Variants in TAF1B observed in about 807,000 individuals in gnomAD.
TAF1B encodes TATA-box binding protein associated factor, RNA polymerase I subunit B, also known as TATA box-binding protein-associated factor RNA polymerase I subunit B.
Under a neutral mutation model 83.9 loss-of-function variants are expected in TAF1B, and 61 were observed. The ratio of observed to expected loss-of-function variants is 0.73; its 90% CI spans 0.59 to 0.90. The LOEUF (loss-of-function observed/expected upper bound fraction) is 0.90, where lower values mean the gene tolerates loss of function less well. TAF1B is among the 40% of genes least tolerant of loss of function. TAF1B has a pLI of 0.00. For synonymous variants in TAF1B, 221 were observed against 224.6 expected (o/e 0.98, Z 0.14); for missense variants, 625 against 677.0 (o/e 0.92, Z 0.85).
intron 3 of TAF1B, 90 bp from the exon 4 acceptor site, chr2:9,851,451 G>A (rs570869955): frequency 1.1e-5 from 11 of 993,528 alleles, no homozygotes; most frequent in East Asian, 5.2e-5. Context: ...AATTCAAGTC[G>A]CAATGTGTAA....
chr2:9,888,568 A>G (rs372222), intron 8 of TAF1B, among the ~76,000 whole-genome samples: 77,006 of 151,758 alleles, frequency 0.51, 22,877 homozygotes, highest in Non-Finnish European at 0.68. Context: ...ATAGAATTCT[A>G]GTTTCATACC....
At chr2:9,924,660 C>T (rs887444645) in intron 14 of TAF1B, among the ~76,000 whole-genome samples, 1 of 152,234 alleles carries the variant, frequency 6.6e-6, no homozygotes, top group East Asian at 1.9e-4. Flanking sequence ...CTAAAATATG[C>T]CGAATATGCT....
chr2:9,896,411 T>A (rs1212067826), intron 8 of TAF1B, among the ~76,000 whole-genome samples: 1 of 152,130 alleles, frequency 6.6e-6, no homozygotes, highest in African/African-American at 2.4e-5. Flanking sequence ...TCTTCCCCCC[T>A]TCCATGCCTT....
Position 9,914,945 on chromosome 2 carries a change from T to A in TAF1B, c.1271+1696T>A, listed in dbSNP as rs142173462. On this transcript the variant is annotated intron_variant, in intron 12 of 14. Transcript: ENST00000263663. This position sits in a 1 kb window ranked among gnomAD's most constrained non-coding sequence, Gnocchi z 4.3. ...CATACATGTCTAATTTTTCTCTTTGTTTCTCTGAATATTATCATCCATGTT... is the reference window on the plus strand; with the variant it reads ...CATACATGTCTAATTTTTCTCTTTGATTCTCTGAATATTATCATCCATGTT... Among the ~76,000 whole-genome samples, 230 of 152,348 alleles carry A rather than the reference T, an allele frequency of 1.5e-3. No individual in the cohort carries two copies. Among genetic ancestry groups the A allele is most frequent in the African/African-American group, 5.4e-3 (223 of 41,578 alleles).
At chr2:9,892,237 G>A (rs1019388801) in intron 8 of TAF1B, among the ~76,000 whole-genome samples, 2 of 152,202 alleles carry the variant, frequency 1.3e-5, no homozygotes, top group Non-Finnish European at 2.9e-5. Context: ...TAACCTGGGA[G>A]TAGTAGGCTA....
chr2:9,878,410 A>G (rs1206155822), intron 7 of TAF1B, among the ~76,000 whole-genome samples: 1 of 152,084 alleles, frequency 6.6e-6, no homozygotes, highest in Non-Finnish European at 1.5e-5. Flanking sequence ...ATGGATGGCA[A>G]AGTTTGAGAA....
In TAF1B at chr2:9,907,620, C is replaced by T. The variant is rs558769270; in HGVS notation, c.955+2614C>T. ...ATGGCCATGAATGAGCTCAGATGCA[C>T]TCTCCACCCTCTACTATGGTTCCTC... On this transcript the variant is annotated intron_variant, in intron 9 of 14. Coordinates refer to ENST00000263663, the MANE Select transcript of TAF1B (RefSeq NM_005680.3). 2.6e-5 allele frequency among the ~76,000 whole-genome samples: 4 copies of T among 152,250 alleles called. No homozygotes were observed. In the South Asian group the frequency reaches 6.2e-4, roughly 24 times the overall value.
intron 9 of TAF1B, among the ~76,000 whole-genome samples, chr2:9,909,557 C>T (rs1303284232): frequency 6.6e-6 from 1 of 152,098 alleles, no homozygotes; most frequent in Non-Finnish European, 1.5e-5. Flanking sequence ...GAGCTAAAAG[C>T]TTTAGTGAGT....
chr2:9,914,038 TTTC>T lies in TAF1B; in HGVS notation c.1271+793_1271+795del, dbSNP rs1270435595. Reference sequence around the variant, plus strand: ...GAAATGAGAATTTGTTCAGCTCCTATTTCTTCATCAGTAAAATAGACATAATAA... The same window carrying T: ...GAAATGAGAATTTGTTCAGCTCCTATTTCATCAGTAAAATAGACATAATAA... On this transcript the variant is annotated intron_variant, in intron 12 of 14. Coordinates refer to ENST00000263663, the MANE Select transcript of TAF1B (RefSeq NM_005680.3). The surrounding 1 kb of genome is among the most constrained non-coding windows in gnomAD (Gnocchi z 4.3). 6.6e-6 allele frequency among the ~76,000 whole-genome samples: 1 copy of T among 152,258 alleles called. No homozygotes were observed. Among genetic ancestry groups the T allele is most frequent in the Non-Finnish European group, 1.5e-5 (1 of 68,044 alleles).
intron 9 of TAF1B, among the ~76,000 whole-genome samples, chr2:9,909,827 C>T (rs577324513): frequency 6.6e-5 from 10 of 152,280 alleles, no homozygotes; most frequent in African/African-American, 2.4e-4. Flanking sequence ...TATAACATGT[C>T]CACGGTCACA....
chr2:9,934,254 C>T lies in TAF1B; in HGVS notation c.*270C>T, dbSNP rs569642243. ...ATTGTATCCAGAAATGTATACTCAT[C>T]GTATTTTAAAGCTAAATTTATTTTT... On this transcript the variant is annotated 3_prime_UTR_variant, in exon 15 of 15. Transcript: ENST00000263663. The T allele has an allele frequency of 1.1e-5, 3 of 271,222 alleles. No homozygotes were observed. Among genetic ancestry groups the T allele is most frequent in the African/African-American group, 4.4e-5 (2 of 45,182 alleles). The allele number at this position is 271,222 out of a possible 1,614,324, so 16.8% of individuals were successfully genotyped here.
intron 7 of TAF1B, among the ~76,000 whole-genome samples, chr2:9,882,288 C>T (rs201179673): frequency 1.1e-4 from 17 of 151,966 alleles, no homozygotes; most frequent in Admixed American, 9.2e-4. Flanking sequence ...TTAATAGAGA[C>T]GGGGTTTCAC....
At chr2:9,910,363 C>G (rs776979149) in intron 9 of TAF1B, among the ~76,000 whole-genome samples, 8 of 152,120 alleles carry the variant, frequency 5.3e-5, no homozygotes, top group Admixed American at 3.9e-4. Flanking sequence ...GCCAGGATGC[C>G]AGCCAGTGCA....
intron 14 of TAF1B, among the ~76,000 whole-genome samples, chr2:9,926,202 G>A (rs1191851834): frequency 1.3e-5 from 2 of 152,078 alleles, no homozygotes; most frequent in Non-Finnish European, 2.9e-5. Flanking sequence ...CCATTAATCA[G>A]ATATAAAAAA....
intron 5 of TAF1B, among the ~76,000 whole-genome samples, chr2:9,864,210 TAAAG>T (rs973436980): frequency 9.9e-5 from 15 of 151,504 alleles, no homozygotes; most frequent in Admixed American, 4.6e-4. Flanking sequence ...GCAAGACTAA[TAAAG>T]AAGAAAAGAG....
rs1283897912 is a variant in TAF1B, at chr2:9,919,836, G to A, written c.1565+16G>A. ...TCTGCAGATGGTAATAATGCTTTTA[G>A]AAAAAGTCACATATAATTGAAGTAG... On this transcript the variant is annotated intron_variant, in intron 14 of 14. Coordinates refer to ENST00000263663, the MANE Select transcript of TAF1B (RefSeq NM_005680.3). 6.2e-7 allele frequency: 1 copy of A among 1,604,806 alleles called. No homozygotes were observed. The highest frequency in any genetic ancestry group is 1.7e-5 in the Admixed American group (1 of 59,196).
At chr2:9,855,194 C>T (rs1297675113) in intron 5 of TAF1B, among the ~76,000 whole-genome samples, 2 of 152,130 alleles carry the variant, frequency 1.3e-5, no homozygotes, top group Non-Finnish European at 2.9e-5. Flanking sequence ...GTGGTTTCAC[C>T]ATGTTAGCCA....
At chr2:9,888,906 C>A (rs951558616) in intron 8 of TAF1B, among the ~76,000 whole-genome samples, 2 of 148,428 alleles carry the variant, frequency 1.3e-5, no homozygotes, top group African/African-American at 5.0e-5. Flanking sequence ...TGGGTTCAAG[C>A]GATTCTCTTG....
intron 5 of TAF1B, among the ~76,000 whole-genome samples, chr2:9,865,943 G>T (rs1305601117): frequency 2.6e-5 from 4 of 151,558 alleles, no homozygotes; most frequent in African/African-American, 9.7e-5. Flanking sequence ...ATTCAAGATG[G>T]ATTAAAGACT....
Sources: allele counts gnomAD v4.1 joint callset (sites outside exome capture counted in the v4.1 genomes callset), GRCh38; gene constraint gnomAD v4.1.1; non-coding constraint Gnocchi (gnomAD v3.1); transcripts MANE v1.5; gene names NCBI Gene and HGNC (gene_info 2026-07-23, HGNC 2026-07-21).